Variants in SCN2A observed in about 807,000 individuals in gnomAD.
The protein encoded by SCN2A is sodium voltage-gated channel alpha subunit 2.
A neutral mutation model predicts 188.7 loss-of-function variants in SCN2A; 20 were observed. The observed-to-expected ratio is 0.11, with a 90% CI of 0.07 to 0.15. SCN2A has a LOEUF of 0.15. Ranked by LOEUF, SCN2A falls within the 10% of genes least tolerant of loss-of-function variation. SCN2A has a pLI of 1.00. For synonymous variants in SCN2A, 804 were observed against 833.1 expected, an observed-to-expected ratio of 0.97 and a Z score of 0.60; for missense variants, 1,278 against 2,445.0, an observed-to-expected ratio of 0.52 and a Z score of 10.07.
chr2:165,249,270 T>C (rs1172224082), intron 1 of SCN2A, among the ~76,000 whole-genome samples: 1 of 152,162 alleles, frequency 6.6e-6, no homozygotes, highest in Non-Finnish European at 1.5e-5. Flanking sequence ...TGGTCCTGCA[T>C]ATGCTGTGTC....
intron 1 of SCN2A, among the ~76,000 whole-genome samples, chr2:165,257,010 A>C (rs938059596): frequency 6.6e-5 from 10 of 152,162 alleles, no homozygotes; most frequent in African/African-American, 2.4e-4. Flanking sequence ...ATTTAAATAT[A>C]CAGTGGCCTA....
chr2:165,245,029 C>T (rs35868236), intron 1 of SCN2A, among the ~76,000 whole-genome samples: 19,792 of 152,190 alleles, frequency 0.13, 1,635 homozygotes, highest in East Asian at 0.37. Context: ...CACTATCCCT[C>T]TTCTCTGAAT....
chr2:165,257,090 C>A (rs1156739656), intron 1 of SCN2A, among the ~76,000 whole-genome samples: 1 of 152,130 alleles, frequency 6.6e-6, no homozygotes, highest in Non-Finnish European at 1.5e-5. Flanking sequence ...TGGGAACTGA[C>A]GCATCATTTC....
At chr2:165,315,837 C>A in intron 11 of SCN2A, 79 bp downstream of exon 11, 1 of 1,478,778 alleles carries the variant, frequency 6.8e-7, no homozygotes, top group Non-Finnish European at 9.3e-7. Flanking sequence ...GAGAGAAAAC[C>A]GCCTTCCACC....
chr2:165,367,878 C>T lies in SCN2A; in HGVS notation c.3675+507C>T, dbSNP rs185516813. Among the ~76,000 whole-genome samples, 21 of 152,214 alleles carry T rather than the reference C, an allele frequency of 1.4e-4. No homozygotes were observed. The East Asian group carries it at 4.1e-3, about 30-fold the overall frequency. On this transcript the variant is annotated intron_variant, in intron 19 of 26. Coordinates refer to ENST00000375437, the MANE Select transcript of SCN2A (RefSeq NM_001040142.2). ...TGCAAGAGTGAACTCCATACCGGCC[C>T]CACAGGAGCGTCTAGGGGAGGGTGC...
At chr2:165,298,706 T>C (rs1319692738) in intron 3 of SCN2A, among the ~76,000 whole-genome samples, 1 of 152,200 alleles carries the variant, frequency 6.6e-6, no homozygotes, top group African/African-American at 2.4e-5. Context: ...TTATGATCTA[T>C]TATTATGTTT....
chr2:165,294,569 A>G (rs1247102648), intron 1 of SCN2A, among the ~76,000 whole-genome samples: 1 of 150,486 alleles, frequency 6.6e-6, no homozygotes, highest in South Asian at 2.2e-4. Context: ...TCACTCTTAG[A>G]AAATGCATTT....
intron 14 of SCN2A, among the ~76,000 whole-genome samples, chr2:165,341,008 G>A (rs949648945): frequency 6.6e-6 from 1 of 152,128 alleles, no homozygotes; most frequent in Non-Finnish European, 1.5e-5. Context: ...CTGGCCATAA[G>A]GAAAGGATAG....
At chr2:165,262,563 G>A (rs1406560056) in intron 1 of SCN2A, among the ~76,000 whole-genome samples, 1 of 151,824 alleles carries the variant, frequency 6.6e-6, no homozygotes, top group Non-Finnish European at 1.5e-5. Flanking sequence ...TCCTTTTTAA[G>A]ACAAAGCAGT....
chr2:165,297,781 A>G (rs1696589327), intron 3 of SCN2A, among the ~76,000 whole-genome samples: 1 of 152,106 alleles, frequency 6.6e-6, no homozygotes, highest in South Asian at 2.1e-4. Flanking sequence ...TCTTGCTACA[A>G]TTATCCCTCT....
At chr2:165,271,390 TGGAGATAGTACATA>T (rs1695098496) in intron 1 of SCN2A, 1 of 152,096 alleles carries the variant, frequency 6.6e-6, no homozygotes, top group Admixed American at 6.6e-5. Context: ...GCTGGCCACA[TGGAGATAGTACATA>T]GGAGATACTC....
intron 8 of SCN2A, 90 bp from the exon 9 acceptor site, chr2:165,313,530 A>G: frequency 6.6e-7 from 1 of 1,507,474 alleles, no homozygotes; most frequent in Non-Finnish European, 9.2e-7. Context: ...GTGCCTGTAT[A>G]AAACAGACAT....
chr2:165,344,402 T>C (rs747644966), intron 15 of SCN2A, among the ~76,000 whole-genome samples, 153 bp from the exon 16 acceptor site: 2 of 151,862 alleles, frequency 1.3e-5, no homozygotes, highest in Non-Finnish European at 2.9e-5. Flanking sequence ...TCCATGTGAC[T>C]AACCTGCACA....
chr2:165,363,353 G>A (rs1372392931), intron 17 of SCN2A, among the ~76,000 whole-genome samples: 2 of 152,070 alleles, frequency 1.3e-5, no homozygotes, highest in Admixed American at 6.6e-5. Flanking sequence ...TGTTTACAGT[G>A]TGAACCTTAT....
At chr2:165,293,005 A>G (rs1696301650) in intron 1 of SCN2A, among the ~76,000 whole-genome samples, 1 of 152,212 alleles carries the variant, frequency 6.6e-6, no homozygotes, top group Non-Finnish European at 1.5e-5. Context: ...GTTGCTTTTT[A>G]GTGACTTAAA....
chr2:165,252,029 T>A (rs1445157648), intron 1 of SCN2A, among the ~76,000 whole-genome samples: 1 of 152,082 alleles, frequency 6.6e-6, no homozygotes, highest in Non-Finnish European at 1.5e-5. Flanking sequence ...TCCAGGAGTC[T>A]GACTCCAGAG....
At chr2:165,308,587 C>G in intron 4 of SCN2A, 79 bp from the exon 5 acceptor site, 1 of 1,509,046 alleles carries the variant, frequency 6.6e-7, no homozygotes, top group Non-Finnish European at 9.1e-7. Context: ...TTTTTGTTTG[C>G]TGTTTATGTC....
intron 22 of SCN2A, among the ~76,000 whole-genome samples, chr2:165,375,496 A>G (rs1701262164): frequency 6.6e-6 from 1 of 151,952 alleles, no homozygotes; most frequent in African/African-American, 2.4e-5. Context: ...AGACATACAC[A>G]GAAACAGTGT....
Position 165,329,816 on chromosome 2 carries a change from G to A in SCN2A, c.2150-1514G>A, listed in dbSNP as rs1698579201. 3.9e-5 allele frequency among the ~76,000 whole-genome samples: 6 copies of A among 151,938 alleles called. No individual in the cohort carries two copies. In the South Asian group the frequency reaches 1.0e-3, roughly 26 times the overall value. Reference sequence around the variant, plus strand: ...TTTAGAAGTATTTACAAAATAACTAGTGCATAATAACTATATTTTTCTCTG... The same window carrying A: ...TTTAGAAGTATTTACAAAATAACTAATGCATAATAACTATATTTTTCTCTG... On this transcript the variant is annotated intron_variant, in intron 13 of 26. Coordinates refer to ENST00000375437, the MANE Select transcript of SCN2A (RefSeq NM_001040142.2).
Sources: allele counts gnomAD v4.1 joint callset (sites outside exome capture counted in the v4.1 genomes callset), GRCh38; gene constraint gnomAD v4.1.1; transcripts MANE v1.5; gene names NCBI Gene and HGNC (gene_info 2026-07-23, HGNC 2026-07-21).